CCDC14: variants seen among roughly 807,000 people sequenced by gnomAD.
The protein encoded by CCDC14 is coiled-coil domain containing 14.
A neutral mutation model predicts 81.4 loss-of-function variants in CCDC14; 71 were observed. The observed-to-expected ratio is 0.87, with a 90% CI of 0.72 to 1.06. The LOEUF is 1.06. Ranked by LOEUF, CCDC14 falls within the 50% of genes least tolerant of loss-of-function variation. The probability of loss-of-function intolerance (pLI) is 0.00; values close to 1 mark genes in which losing one functional copy is unlikely to be tolerated. For missense variants in CCDC14, 1,046 were observed against 1,047.3 expected, an observed-to-expected ratio of 1.00 and a Z score of 0.02; for synonymous variants, 332 against 364.8, an observed-to-expected ratio of 0.91 and a Z score of 1.03.
intron 5 of CCDC14, among the ~76,000 whole-genome samples, chr3:123,901,919 G>C (rs915657832): frequency 1.3e-5 from 2 of 152,020 alleles, no homozygotes; most frequent in Admixed American, 1.3e-4. Flanking sequence ...TATGATTCAA[G>C]TTCACTAGAA....
intron 12 of CCDC14, among the ~76,000 whole-genome samples, chr3:123,924,527 G>A (rs1475296614): frequency 6.6e-6 from 1 of 152,098 alleles, no homozygotes; most frequent in African/African-American, 2.4e-5. Flanking sequence ...AGAAATATAT[G>A]CAAACCGTAC....
intron 5 of CCDC14, among the ~76,000 whole-genome samples, chr3:123,899,773 A>G (rs991995171): frequency 2.6e-5 from 4 of 152,126 alleles, no homozygotes; most frequent in Non-Finnish European, 4.4e-5. Context: ...TCCTCTGTAA[A>G]CGTCTGTAGC....
downstream of CCDC14, among the ~76,000 whole-genome samples, chr3:123,912,317 G>A (rs1286630673): frequency 6.6e-6 from 1 of 152,158 alleles, no homozygotes; most frequent in South Asian, 2.1e-4. Context: ...CTGAGACTAC[G>A]ATGAGGCAGT....
rs745716061 is a variant in CCDC14, at chr3:123,914,842, C to T, written c.2655G>A (p.Ala885=). The stretch of plus-strand genomic sequence containing the variant: ...GTCTAGCTATGTTGGCATCTAATGC[C>T]GCAAGGCCATTTCTGAAGTCTTGTT... ...RDEQDFRNGL[A]ALDANIARLQ... Residue 885 remains alanine (A), a synonymous_variant, in exon 13 of 13, where the codon GCG becomes GCA. Coordinates refer to ENST00000409697, the MANE Select transcript of CCDC14 (RefSeq NM_001366335.1). The T allele has an allele frequency of 1.9e-5, 31 of 1,604,522 alleles. No homozygotes were observed. The highest frequency in any genetic ancestry group is 8.9e-5 in the South Asian group (8 of 89,436).
intron 5 of CCDC14, among the ~76,000 whole-genome samples, chr3:123,902,370 T>G (rs1263361112): frequency 6.6e-6 from 1 of 152,222 alleles, no homozygotes; most frequent in African/African-American, 2.4e-5. Flanking sequence ...GCATCAATGG[T>G]TGCTAACCAA....
chr3:123,956,385 G>A lies in CCDC14; in HGVS notation c.129C>T (p.Gly43=). The change falls in exon 3 of 13, where the codon GGC becomes GGT. Residue 43 remains glycine (G), a synonymous_variant. Coordinates refer to ENST00000409697, the MANE Select transcript of CCDC14 (RefSeq NM_001366335.1). Reference sequence around the variant, plus strand: ...TTTCTGAATCAGAATGGATGGAATAGCCAGAATCTGCATTAAAACGTGGTA... The same window carrying A: ...TTTCTGAATCAGAATGGATGGAATAACCAGAATCTGCATTAAAACGTGGTA... ...RKIPRFNADS[G]YSIHSDSESQ... is the part of the protein sequence containing the mutation. 1 of 1,547,678 alleles carries A rather than the reference G, an allele frequency of 6.5e-7. No homozygotes were observed. The highest frequency in any genetic ancestry group is 8.7e-7 in the Non-Finnish European group (1 of 1,144,688).
At position 123,914,244 on chromosome 3, in the gene CCDC14, T is replaced by A. The variant is rs1301461710; in HGVS notation, c.*535A>T. The A allele has an allele frequency of 4.1e-6, 4 of 984,200 alleles. No individual in the cohort carries two copies. The highest frequency in any genetic ancestry group is 1.2e-4 in the Admixed American group (2 of 16,280). The allele number at this position is 984,200 out of a possible 1,614,324, so 61.0% of individuals were successfully genotyped here. ...TATATATTTTTTAGACCAATCAATG[T>A]TTTTTAAGAGGTGTAGATACTGGTA... On this transcript the variant is annotated 3_prime_UTR_variant, in exon 13 of 13. Transcript: ENST00000409697.
At chr3:123,941,110 T>C (rs2036326576) in intron 9 of CCDC14, among the ~76,000 whole-genome samples, 1 of 151,966 alleles carries the variant, frequency 6.6e-6, no homozygotes, top group Admixed American at 6.6e-5. Flanking sequence ...CTTGGCACTC[T>C]CTAGCTCAAT....
downstream of CCDC14, among the ~76,000 whole-genome samples, chr3:123,910,612 G>A (rs1401421240): frequency 6.6e-6 from 1 of 151,850 alleles, no homozygotes; most frequent in African/African-American, 2.4e-5. Flanking sequence ...AAGAATCTGT[G>A]GCTTCTCCAC....
chr3:123,887,712 A>G, the CCDC14 span, among the ~76,000 whole-genome samples: 1 of 152,178 alleles, frequency 6.6e-6, no homozygotes, highest in African/African-American at 2.4e-5. Context: ...TTCTAGTTTG[A>G]AAGTAAACAG....
chr3:123,936,513 A>G (rs1392285475), intron 9 of CCDC14, among the ~76,000 whole-genome samples: 4 of 152,320 alleles, frequency 2.6e-5, no homozygotes, highest in Middle Eastern at 3.4e-3. Context: ...GCCATAAAAA[A>G]GAATGAGATC....
chr3:123,909,354 G>A (rs1333898505), downstream of CCDC14, among the ~76,000 whole-genome samples: 1 of 152,174 alleles, frequency 6.6e-6, no homozygotes, highest in Non-Finnish European at 1.5e-5. Flanking sequence ...TTTCTGTGGA[G>A]AAATGAGCCC....
At chr3:123,931,719 T>C (rs2035731877) in intron 10 of CCDC14, among the ~76,000 whole-genome samples, 193 bp from the exon 11 acceptor site, 1 of 152,204 alleles carries the variant, frequency 6.6e-6, no homozygotes, top group Non-Finnish European at 1.5e-5. Flanking sequence ...CATACCTTTC[T>C]TTTCCAGTTG....
intron 9 of CCDC14, among the ~76,000 whole-genome samples, chr3:123,939,939 G>A (rs1195110106): frequency 1.3e-5 from 2 of 151,786 alleles, no homozygotes; most frequent in Admixed American, 1.3e-4. Flanking sequence ...TAGTGGTAAT[G>A]GCTACAGAAC....
At chr3:123,891,982 C>G in the CCDC14 span, among the ~76,000 whole-genome samples, 1 of 151,790 alleles carries the variant, frequency 6.6e-6, no homozygotes, top group African/African-American at 2.4e-5. Flanking sequence ...CAAGTCACAT[C>G]TTACATGGAT....
chr3:123,897,713 A>C, intron 5 of CCDC14: 2 of 498,764 alleles, frequency 4.0e-6, no homozygotes, highest in Non-Finnish European at 5.5e-6. Flanking sequence ...TTCTACTTTT[A>C]TAAACCTATA....
chr3:123,926,348 T>G (rs1260305599), intron 12 of CCDC14, among the ~76,000 whole-genome samples: 1 of 151,908 alleles, frequency 6.6e-6, no homozygotes, highest in East Asian at 1.9e-4. Flanking sequence ...ATATTGGTGT[T>G]TCTATTATAC....
intron 1 of CCDC14, among the ~76,000 whole-genome samples, chr3:123,960,124 A>C (rs1198917625): frequency 2.0e-5 from 3 of 152,224 alleles, no homozygotes; most frequent in Admixed American, 6.5e-5. Flanking sequence ...CAGGAGAATC[A>C]GTTTGCTTTA....
intron 12 of CCDC14, among the ~76,000 whole-genome samples, chr3:123,916,607 A>G (rs1390168775): frequency 2.0e-5 from 3 of 152,092 alleles, no homozygotes; most frequent in African/African-American, 7.2e-5. Flanking sequence ...GAAGGTTTGA[A>G]GTTAGAAATG....
Sources: gnomAD v4.1 joint callset for allele counts (sites outside exome capture counted in the v4.1 genomes callset) on GRCh38, gnomAD v4.1.1 for gene constraint, MANE v1.5 for transcripts, NCBI Gene and HGNC (gene_info 2026-07-23, HGNC 2026-07-21) for gene names.